The following CPM variants were observed in gnomAD, a reference collection of about 807,000 sequenced individuals.
CPM encodes renal carboxypeptidase.
In CPM, 35 loss-of-function variants were observed where a neutral mutation model predicts 46.4. That is an observed-to-expected ratio of 0.75 (90% CI 0.58 to 1.00). CPM has a LOEUF of 1.00. Ranked by LOEUF, CPM falls within the 50% of genes least tolerant of loss-of-function variation. The pLI, the probability that CPM is intolerant of heterozygous loss-of-function variation, is 0.00. For synonymous variants in CPM, 195 were observed against 195.3 expected, an observed-to-expected ratio of 1.00 and a Z score of 0.01; for missense variants, 422 against 530.4, an observed-to-expected ratio of 0.80 and a Z score of 2.01.
intron 1 of CPM, among the ~76,000 whole-genome samples, chr12:68,958,116 A>T (rs1190358292): frequency 2.0e-5 from 3 of 152,152 alleles, no homozygotes; most frequent in Non-Finnish European, 4.4e-5. Context: ...GTTGGTTCCA[A>T]GTCTTTGCTA....
intron 5 of CPM, chr12:68,846,127 G>C (rs1164515921): frequency 6.6e-6 from 1 of 151,826 alleles, no homozygotes. Context: ...AATTTTTTTT[G>C]TATTTTTAGT....
intron 3 of CPM, among the ~76,000 whole-genome samples, chr12:68,880,058 A>C (rs1886121682): frequency 6.6e-6 from 1 of 151,938 alleles, no homozygotes; most frequent in Admixed American, 6.6e-5. Context: ...GCATACAGGA[A>C]TGGCAGAGAA....
chr12:68,957,414 A>G (rs1338174873), intron 1 of CPM: 2 of 269,138 alleles, frequency 7.4e-6, no homozygotes, highest in East Asian at 1.0e-4. Flanking sequence ...TAGCATCTCC[A>G]TGATTCAAAT....
intron 2 of CPM, among the ~76,000 whole-genome samples, chr12:68,902,056 A>G (rs1887137217): frequency 6.6e-6 from 1 of 152,190 alleles, no homozygotes; most frequent in African/African-American, 2.4e-5. Context: ...TTATCCTTTA[A>G]CGAAATCATA....
intron 3 of CPM, among the ~76,000 whole-genome samples, chr12:68,872,318 T>C (rs1885741811): frequency 1.4e-5 from 2 of 146,928 alleles, no homozygotes; most frequent in Admixed American, 1.4e-4. Context: ...ATTGGCGCGA[T>C]CTTGGCTCAT....
At chr12:68,927,949 G>C (rs1010442431) in intron 2 of CPM, among the ~76,000 whole-genome samples, 3 of 152,128 alleles carry the variant, frequency 2.0e-5, no homozygotes, top group Non-Finnish European at 4.4e-5. Flanking sequence ...TACTGCCCAA[G>C]GTAATTTATA....
At chr12:68,939,457 T>G (rs1344266414) in intron 1 of CPM, among the ~76,000 whole-genome samples, 3 of 151,540 alleles carry the variant, frequency 2.0e-5, no homozygotes, top group Non-Finnish European at 4.4e-5. Flanking sequence ...GATATAAATC[T>G]GATTAATGTC....
intron 8 of CPM, among the ~76,000 whole-genome samples, chr12:68,856,911 A>G (rs1884999741): frequency 6.6e-6 from 1 of 152,222 alleles, no homozygotes; most frequent in Admixed American, 6.5e-5. Context: ...TGAAATAAGG[A>G]CAGATGGGTA....
At chr12:68,906,908 A>G (rs554677318) in intron 2 of CPM, among the ~76,000 whole-genome samples, 37 of 152,378 alleles carry the variant, frequency 2.4e-4, no homozygotes, top group African/African-American at 8.2e-4. Flanking sequence ...TCAGGACTGC[A>G]TAGTATTCCG....
chr12:68,919,009 C>T (rs1206268952), intron 2 of CPM, among the ~76,000 whole-genome samples: 2 of 152,194 alleles, frequency 1.3e-5, no homozygotes, highest in Non-Finnish European at 2.9e-5. Flanking sequence ...ACCACTTTCC[C>T]CTTGCTCACT....
intron 5 of CPM, chr12:68,843,599 C>T (rs1178263807): frequency 8.8e-6 from 2 of 226,786 alleles, no homozygotes; most frequent in Non-Finnish European, 1.7e-5. Context: ...ATTGTATATA[C>T]TTAGGTGAAG....
chr12:68,903,842 GTCCCTCCCTCCCTTCT>G (rs1202598126), intron 2 of CPM, among the ~76,000 whole-genome samples: 2 of 151,206 alleles, frequency 1.3e-5, no homozygotes, highest in Admixed American at 6.6e-5. Context: ...CCGTCCCTCC[GTCCCTCCCTCCCTTCT>G]TCCCTCCCTC....
At chr12:68,874,814 G>C (rs1453902528) in intron 3 of CPM, among the ~76,000 whole-genome samples, 1 of 152,162 alleles carries the variant, frequency 6.6e-6, no homozygotes, top group Non-Finnish European at 1.5e-5. Context: ...GTCAAGAACA[G>C]AGAGGAAGTG....
chr12:68,909,036 C>T (rs963892678), intron 2 of CPM, among the ~76,000 whole-genome samples: 2 of 152,194 alleles, frequency 1.3e-5, no homozygotes, highest in African/African-American at 4.8e-5. Flanking sequence ...AAAACATGTT[C>T]ATTCTGATTT....
chr12:68,842,385 T>TA, intron 5 of CPM: 5 of 492,836 alleles, frequency 1.0e-5, no homozygotes, highest in South Asian at 7.7e-5. Context: ...AGAGGTTTCC[T>TA]AAAAATCTCA....
chr12:68,856,366 G>C lies in CPM; in HGVS notation c.*71C>G, dbSNP rs1305009703. The C allele has an allele frequency of 6.6e-7, 1 of 1,526,466 alleles. No homozygotes were observed. Among genetic ancestry groups the C allele is most frequent in the African/African-American group, 1.4e-5 (1 of 72,528 alleles). 94.6% of individuals were successfully genotyped at this position (1,526,466 alleles called of 1,614,324 possible). A position where few individuals can be genotyped will look rare whatever the true frequency, so the allele number is the denominator to read the frequency against. The stretch of plus-strand genomic sequence containing the variant: ...GTCAAGGTCCCACTAGAGTGAGTTA[G>C]GGTTGCAGTAACCTGGAGTGAGCAA... On this transcript the variant is annotated 3_prime_UTR_variant, in exon 9 of 9. Transcript: ENST00000551568.
chr12:68,843,447 A>G (rs1328536524), intron 5 of CPM: 1 of 228,924 alleles, frequency 4.4e-6, no homozygotes, highest in Non-Finnish European at 8.7e-6. Context: ...CCATATTTAC[A>G]ATTATGTATT....
intron 2 of CPM, among the ~76,000 whole-genome samples, chr12:68,926,602 T>A (rs2136314969): frequency 6.6e-6 from 1 of 152,244 alleles, no homozygotes; most frequent in Non-Finnish European, 1.5e-5. Context: ...AGGGTACATG[T>A]GCACAATGTG....
intron 2 of CPM, among the ~76,000 whole-genome samples, chr12:68,920,876 T>G (rs1296655643): frequency 2.0e-5 from 3 of 150,728 alleles, no homozygotes; most frequent in Non-Finnish European, 4.4e-5. Context: ...TTTTTTGCAT[T>G]TTTTTAGTAC....
Sources: gnomAD v4.1 joint callset for allele counts (sites outside exome capture counted in the v4.1 genomes callset) on GRCh38, gnomAD v4.1.1 for gene constraint, MANE v1.5 for transcripts, NCBI Gene and HGNC (gene_info 2026-07-23, HGNC 2026-07-21) for gene names.